Variants in RIC3 observed in about 807,000 individuals in gnomAD.
RIC3 encodes protein RIC-3.
RIC3 carries 28 observed loss-of-function variants against 27.3 expected under a neutral mutation model. The observed-to-expected ratio is 1.02, with a 90% CI of 0.76 to 1.41. RIC3 has a LOEUF of 1.41. Among genes scored for constraint, RIC3 ranks in the 40% most tolerant of loss-of-function variants. The pLI, the probability that RIC3 is intolerant of heterozygous loss-of-function variation, is 0.00. For synonymous variants in RIC3, 184 were observed against 160.4 expected, an observed-to-expected ratio of 1.15 and a Z score of -1.11; for missense variants, 501 against 444.7, an observed-to-expected ratio of 1.13 and a Z score of -1.14.
At chr11:8,114,450 C>T (rs1217437363) in intron 5 of RIC3, among the ~76,000 whole-genome samples, 3 of 151,632 alleles carry the variant, frequency 2.0e-5, no homozygotes, top group African/African-American at 7.3e-5. Context: ...ACTAAAAATA[C>T]AAAAAATTAG....
rs766784575 is a variant in RIC3, at chr11:8,109,281, G to A, written c.*1417C>T. The A allele has an allele frequency of 1.3e-5, 2 of 152,202 alleles. No individual in the cohort carries two copies. Among genetic ancestry groups the A allele is most frequent in the Non-Finnish European group, 2.9e-5 (2 of 68,042 alleles). 9.4% of individuals were successfully genotyped at this position (152,202 alleles called of 1,614,324 possible). ...AAAGCCATATCTACCTTTACATAAT[G>A]TCTTAATTTTCCAGTCTTCTACATT... On this transcript the variant is annotated 3_prime_UTR_variant, in exon 6 of 6. Coordinates refer to ENST00000309737, the MANE Select transcript of RIC3 (RefSeq NM_001206671.4).
intron 1 of RIC3, among the ~76,000 whole-genome samples, chr11:8,156,188 T>G (rs878858862): frequency 1.3e-5 from 2 of 152,312 alleles, no homozygotes; most frequent in Admixed American, 1.3e-4. Context: ...TAAAGCACAA[T>G]TCTAACTGGT....
chr11:8,105,320 TC>T (rs1258828882), downstream of RIC3: 2 of 152,216 alleles, frequency 1.3e-5, no homozygotes, highest in African/African-American at 4.8e-5. Context: ...TGACCTGCAG[TC>T]AGGGCCCAGA....
At chr11:8,128,198 G>A in intron 4 of RIC3, 1 of 457,296 alleles carries the variant, frequency 2.2e-6, no homozygotes, top group South Asian at 1.5e-5. Flanking sequence ...GAGGCTTCTG[G>A]GGCAGACTAG....
At chr11:8,148,717 A>G (rs1476771084) in intron 1 of RIC3, among the ~76,000 whole-genome samples, 1 of 152,286 alleles carries the variant, frequency 6.6e-6, no homozygotes, top group African/African-American at 2.4e-5. Flanking sequence ...AGAGAGCGAT[A>G]AAGGTAATAG....
intron 4 of RIC3, chr11:8,135,832 C>A (rs1948334007): frequency 6.6e-6 from 1 of 152,074 alleles, no homozygotes. Flanking sequence ...TCCACCCAGA[C>A]TGTAGGTGGC....
At position 8,106,799 on chromosome 11, in the gene RIC3, A is replaced by ATAAC. The variant is rs1298647867; in HGVS notation, c.*3895_*3898dup. ...AATGGTCTGACCCAGACAAGAGGTT[A>ATAAC]TAACTAAAGGCACCCGGAGACTGCA... On this transcript the variant is annotated 3_prime_UTR_variant, in exon 6 of 6. Transcript: ENST00000309737. 4 of 152,246 alleles carry ATAAC rather than the reference A, an allele frequency of 2.6e-5. No individual in the cohort carries two copies. Among genetic ancestry groups the ATAAC allele is most frequent in the Non-Finnish European group, 4.4e-5 (3 of 68,042 alleles). The allele number at this position is 152,246 out of a possible 1,614,324, so 9.4% of individuals were successfully genotyped here. A position where few individuals can be genotyped will look rare whatever the true frequency, so the allele number is the denominator to read the frequency against.
In RIC3 at chr11:8,107,043, G is replaced by T. The variant is rs1944742674; in HGVS notation, c.*3655C>A. The T allele has an allele frequency of 1.3e-5, 2 of 152,156 alleles. No individual in the cohort carries two copies. The highest frequency in any genetic ancestry group is 3.8e-4 in the East Asian group (2 of 5,200). The allele number at this position is 152,156 out of a possible 1,614,324, so 9.4% of individuals were successfully genotyped here. On this transcript the variant is annotated 3_prime_UTR_variant, in exon 6 of 6. Transcript: ENST00000309737. Reference sequence around the variant, plus strand: ...ATTATTCCCAATTCATGGGGAAACTGGTTCTCTGAGAGGTTAAGGAATGAC... The same window carrying T: ...ATTATTCCCAATTCATGGGGAAACTTGTTCTCTGAGAGGTTAAGGAATGAC...
chr11:8,121,910 A>G (rs1029429077), intron 5 of RIC3, among the ~76,000 whole-genome samples: 5 of 152,058 alleles, frequency 3.3e-5, no homozygotes, highest in African/African-American at 1.2e-4. Flanking sequence ...TTTTGAGATA[A>G]TTATAGATTC....
intron 5 of RIC3, among the ~76,000 whole-genome samples, chr11:8,126,143 T>C (rs531040957): frequency 5.7e-4 from 86 of 152,200 alleles, no homozygotes; most frequent in Non-Finnish European, 1.1e-3. Context: ...AAGACTCATA[T>C]GCAAAAGTTC....
chr11:8,121,006 T>C (rs1286360497), intron 5 of RIC3, among the ~76,000 whole-genome samples: 1 of 152,106 alleles, frequency 6.6e-6, no homozygotes, highest in Admixed American at 6.5e-5. Flanking sequence ...TCTTGACAAA[T>C]ACAAAAATTA....
intron 1 of RIC3, among the ~76,000 whole-genome samples, chr11:8,140,730 T>C (rs1948957147): frequency 6.6e-6 from 1 of 152,144 alleles, no homozygotes; most frequent in Non-Finnish European, 1.5e-5. Context: ...GAAATCAACT[T>C]CTATTGTGTT....
chr11:8,130,945 C>T (rs186687411), intron 4 of RIC3, among the ~76,000 whole-genome samples: 2 of 151,824 alleles, frequency 1.3e-5, no homozygotes, highest in Admixed American at 1.3e-4. Flanking sequence ...ACGTAAGCTA[C>T]GTTAAAGATT....
chr11:8,147,968 G>GC (rs1202081426), intron 1 of RIC3, among the ~76,000 whole-genome samples: 5 of 152,156 alleles, frequency 3.3e-5, no homozygotes, highest in African/African-American at 1.2e-4. Context: ...CTCATGATCT[G>GC]CCCCCCTTGG....
chr11:8,118,094 G>C (rs1946055636), intron 5 of RIC3, among the ~76,000 whole-genome samples: 1 of 151,626 alleles, frequency 6.6e-6, no homozygotes, highest in African/African-American at 2.4e-5. Context: ...GTGGTGGCAG[G>C]CGCCTGTAGT....
chr11:8,101,804 G>GT, downstream of RIC3: 1 of 1,015,152 alleles, frequency 9.9e-7, no homozygotes, highest in South Asian at 1.7e-5. Context: ...AGGCAGGGGA[G>GT]TAGTGGAGAG....
chr11:8,100,220 A>G, the RIC3 span, among the ~76,000 whole-genome samples: 1 of 152,206 alleles, frequency 6.6e-6, no homozygotes, highest in African/African-American at 2.4e-5. Context: ...TAGACGTAGG[A>G]TGTAGAAGAG....
At chr11:8,118,419 T>C (rs1408121332) in intron 5 of RIC3, among the ~76,000 whole-genome samples, 2 of 147,856 alleles carry the variant, frequency 1.4e-5, no homozygotes, top group African/African-American at 5.0e-5. Context: ...TTGATATTCC[T>C]AATAATATTC....
At chr11:8,127,039 G>A in intron 4 of RIC3, 2 of 561,020 alleles carry the variant, frequency 3.6e-6, no homozygotes, top group Non-Finnish European at 6.3e-6. Flanking sequence ...ATTGCCCAAG[G>A]TCCCGAAATT....
Sources: allele counts gnomAD v4.1 joint callset (sites outside exome capture counted in the v4.1 genomes callset), GRCh38; gene constraint gnomAD v4.1.1; transcripts MANE v1.5; gene names NCBI Gene and HGNC (gene_info 2026-07-23, HGNC 2026-07-21).